The following DDAH1 variants were observed in gnomAD, a reference collection of about 807,000 sequenced individuals.
DDAH1 encodes the protein N(G),N(G)-dimethylarginine dimethylaminohydrolase 1.
DDAH1 carries 19 observed loss-of-function variants against 28.8 expected under a neutral mutation model. The observed-to-expected ratio is 0.66, with a 90% CI of 0.46 to 0.97. The LOEUF (loss-of-function observed/expected upper bound fraction) is 0.97. Among genes scored for constraint, DDAH1 ranks in the 50% least tolerant of loss-of-function variants. The pLI, the probability that DDAH1 is intolerant of heterozygous loss-of-function variation, is 0.00. For synonymous variants in DDAH1, 153 were observed against 154.4 expected, an observed-to-expected ratio of 0.99 and a Z score of 0.07; for missense variants, 326 against 375.9, an observed-to-expected ratio of 0.87 and a Z score of 1.10.
rs913824776 is a variant in DDAH1, at chr1:85,464,682, G to C, written c.303+61C>G. 1.4e-6 allele frequency: 2 copies of C among 1,427,202 alleles called. No homozygotes were observed. The highest frequency in any genetic ancestry group is 1.8e-6 in the Non-Finnish European group (2 of 1,097,102). The allele number at this position is 1,427,202 out of a possible 1,614,324, so 88.4% of individuals were successfully genotyped here. A position where few individuals can be genotyped will look rare whatever the true frequency, so the allele number is the denominator to read the frequency against. ...GGCGCGACTCCCCAGGCAACACGGC[G>C]GCCGGCGGCGGGGGAGGGCCTGGCG... On this transcript the variant is annotated intron_variant, in intron 1 of 5. Transcript: ENST00000284031. The surrounding 1 kb of genome is among the most constrained non-coding windows in gnomAD (Gnocchi z 4.4).
chr1:85,496,118 A>G (rs187108928), intron 2 of DDAH1: 2 of 420,016 alleles, frequency 4.8e-6, no homozygotes, highest in Admixed American at 6.4e-5. Flanking sequence ...ATTAAATCAA[A>G]TGTGTTTACT....
intron 1 of DDAH1, among the ~76,000 whole-genome samples, chr1:85,392,418 T>C (rs1008478356): frequency 1.3e-5 from 2 of 152,286 alleles, no homozygotes; most frequent in Non-Finnish European, 2.9e-5. Context: ...TCTGAGGTAC[T>C]AGGGGTTAGG....
At chr1:85,506,143 C>T (rs1416218002) in intron 1 of DDAH1, among the ~76,000 whole-genome samples, 1 of 152,174 alleles carries the variant, frequency 6.6e-6, no homozygotes, top group Non-Finnish European at 1.5e-5. Flanking sequence ...CTGAGGTGCA[C>T]TAAAGAGAGA....
At chr1:85,484,487 G>C (rs1321872137) in intron 2 of DDAH1, among the ~76,000 whole-genome samples, 1 of 152,022 alleles carries the variant, frequency 6.6e-6, no homozygotes, top group African/African-American at 2.4e-5. Flanking sequence ...CTGATGGAAG[G>C]ACTAGAACAA....
chr1:85,479,871 A>C (rs1361619267), intron 2 of DDAH1, among the ~76,000 whole-genome samples: 1 of 152,226 alleles, frequency 6.6e-6, no homozygotes, highest in Non-Finnish European at 1.5e-5. Flanking sequence ...AAGAGGTCAC[A>C]AAATTCTGAT....
At chr1:85,397,857 C>T (rs950612396) in intron 1 of DDAH1, among the ~76,000 whole-genome samples, 10 of 152,092 alleles carry the variant, frequency 6.6e-5, no homozygotes, top group Non-Finnish European at 1.3e-4. Flanking sequence ...AGGCCTCTCT[C>T]GCTATGTGAC....
chr1:85,468,615 G>A (rs199865783), upstream of DDAH1, among the ~76,000 whole-genome samples: 11 of 151,140 alleles, frequency 7.3e-5, no homozygotes, highest in Non-Finnish European at 1.2e-4. Flanking sequence ...TGCCTCCCGC[G>A]TTCACACCAT....
chr1:85,565,199 T>TAAA lies in DDAH1; in HGVS notation c.-123+12782_-123+12784dup, dbSNP rs112088658. 4.9e-3 allele frequency among the ~76,000 whole-genome samples: 734 copies of TAAA among 150,018 alleles called. 7 individuals carry two copies. The highest frequency in any genetic ancestry group is 0.017 in the African/African-American group (705 of 40,954). ...CCTAGGCAATGGAACGAGACTCCGT[T>TAAA]AAAAAAAAAATGCATAAAGAAGAAC... On this transcript the variant is annotated intron_variant, in intron 1 of 6. Coordinates refer to the DDAH1 transcript ENST00000426972.
chr1:85,369,503 C>A (rs1325133423), intron 1 of DDAH1, among the ~76,000 whole-genome samples: 1 of 152,158 alleles, frequency 6.6e-6, no homozygotes, highest in African/African-American at 2.4e-5. Context: ...TGGGAAGATT[C>A]ATCTTTATTT....
chr1:85,505,577 C>T (rs1374498562), intron 1 of DDAH1, among the ~76,000 whole-genome samples: 2 of 152,324 alleles, frequency 1.3e-5, no homozygotes, highest in East Asian at 3.9e-4. Flanking sequence ...CACCCCACTG[C>T]TCAGTTCTTA....
chr1:85,327,213 C>T (rs1005284242), intron 4 of DDAH1, among the ~76,000 whole-genome samples: 14 of 152,164 alleles, frequency 9.2e-5, no homozygotes, highest in Admixed American at 8.5e-4. Context: ...GTGGCACACA[C>T]CTGTAGTCAC....
At chr1:85,553,841 A>G (rs945096611) in intron 1 of DDAH1, among the ~76,000 whole-genome samples, 1 of 152,164 alleles carries the variant, frequency 6.6e-6, no homozygotes, top group Non-Finnish European at 1.5e-5. Context: ...CTTCTGAAAC[A>G]TTGTAGTGAG....
intron 1 of DDAH1, among the ~76,000 whole-genome samples, chr1:85,518,736 A>G (rs1373524793): frequency 1.3e-5 from 2 of 152,178 alleles, no homozygotes; most frequent in East Asian, 3.9e-4. Flanking sequence ...CCCTTTTGCC[A>G]TGTAAGATAA....
rs770014695 is a variant in DDAH1, at chr1:85,358,871, A to C, written c.304-24T>G. 1.1e-4 allele frequency: 167 copies of C among 1,517,838 alleles called. 1 individual carries two copies. In the East Asian group the frequency reaches 3.0e-3, roughly 27 times the overall value. The allele number at this position is 1,517,838 out of a possible 1,614,324, so 94.0% of individuals were successfully genotyped here. ...ACCTGTTGAAAATAAAATGATTCAG[A>C]TTACTATGCTACAATTTCCTAACAA... is the stretch of plus-strand genomic sequence containing the variant. On this transcript the variant is annotated intron_variant, in intron 1 of 5. Transcript: ENST00000284031.
intron 1 of DDAH1, among the ~76,000 whole-genome samples, chr1:85,570,561 T>C (rs1659425722): frequency 6.6e-6 from 1 of 152,226 alleles, no homozygotes; most frequent in African/African-American, 2.4e-5. Context: ...TCCTTAGTTA[T>C]TTTTAATTAT....
Position 85,318,769 on chromosome 1 carries a change from T to C in DDAH1, c.*2683A>G, listed in dbSNP as rs2100774848. 1 of 152,748 alleles carries C rather than the reference T, an allele frequency of 6.5e-6. No individual in the cohort carries two copies. Among genetic ancestry groups the C allele is most frequent in the South Asian group, 2.1e-4 (1 of 4,830 alleles). 9.5% of individuals were successfully genotyped at this position (152,748 alleles called of 1,614,324 possible). On this transcript the variant is annotated 3_prime_UTR_variant, in exon 6 of 6. Coordinates refer to ENST00000284031, the MANE Select transcript of DDAH1 (RefSeq NM_012137.4). ...ACATGCAACTCTTTACCTTACATTATTCATCTACAGACTATTTTTCTCCCT... is the reference window on the plus strand; with the variant it reads ...ACATGCAACTCTTTACCTTACATTACTCATCTACAGACTATTTTTCTCCCT...
intron 4 of DDAH1, among the ~76,000 whole-genome samples, chr1:85,335,314 A>T (rs1648033326): frequency 6.6e-6 from 1 of 152,202 alleles, no homozygotes. Context: ...TAACTTAAAG[A>T]TATAGAGTGG....
chr1:85,323,968 CAAAA>C (rs11446322), intron 5 of DDAH1, among the ~76,000 whole-genome samples: 3 of 99,920 alleles, frequency 3.0e-5, no homozygotes, highest in East Asian at 3.1e-4. Context: ...GATCCTGTCT[CAAAA>C]AAAAAAAAAA....
chr1:85,400,622 C>T lies in DDAH1; in HGVS notation c.304-41775G>A, dbSNP rs535226298. Among the ~76,000 whole-genome samples, 99 of 152,250 alleles carry T rather than the reference C, an allele frequency of 6.5e-4. 1 individual carries two copies. The highest frequency in any genetic ancestry group is 1.3e-3 in the Non-Finnish European group (87 of 68,020). ...GTAGATGATGCTATTTATATCATTA[C>T]GCACTGTCCACATGGGATCCCCAGG... On this transcript the variant is annotated intron_variant, in intron 1 of 5. Coordinates refer to ENST00000284031, the MANE Select transcript of DDAH1 (RefSeq NM_012137.4).
Sources: gnomAD v4.1 joint callset for allele counts (sites outside exome capture counted in the v4.1 genomes callset) on GRCh38, gnomAD v4.1.1 for gene constraint, Gnocchi (gnomAD v3.1) non-coding constraint, MANE v1.5 for transcripts, NCBI Gene and HGNC (gene_info 2026-07-23, HGNC 2026-07-21) for gene names.